The following CCDC7 variants were observed in gnomAD, a reference collection of about 807,000 sequenced individuals.
The protein encoded by CCDC7 is coiled-coil domain-containing protein 7.
Under a neutral mutation model 196.9 loss-of-function variants are expected in CCDC7, and 183 were observed. That is an observed-to-expected ratio of 0.93 (90% CI 0.82 to 1.05). The LOEUF is 1.05. Ranked by LOEUF, CCDC7 falls within the 50% of genes least tolerant of loss-of-function variation. The pLI is 0.00. For synonymous variants in CCDC7, 525 were observed against 484.6 expected (o/e 1.08, Z -1.10); for missense variants, 1,540 against 1,482.2 (o/e 1.04, Z -0.64).
At chr10:32,690,945 A>G (rs563277844) in intron 23 of CCDC7, among the ~76,000 whole-genome samples, 1 of 152,234 alleles carries the variant, frequency 6.6e-6, no homozygotes, top group Non-Finnish European at 1.5e-5. Flanking sequence ...GTGTCCTCAG[A>G]TGCAAAACCA....
chr10:32,649,949 A>G (rs1187916395), intron 20 of CCDC7, among the ~76,000 whole-genome samples: 1 of 152,054 alleles, frequency 6.6e-6, no homozygotes, highest in Non-Finnish European at 1.5e-5. Flanking sequence ...TTGATTTTCA[A>G]CTTTCTCTGT....
intron 41 of CCDC7, among the ~76,000 whole-genome samples, chr10:32,863,764 G>T (rs1266162791): frequency 6.6e-6 from 1 of 151,838 alleles, no homozygotes; most frequent in Non-Finnish European, 1.5e-5. Flanking sequence ...ATGGATAGGA[G>T]ACCTACATGT....
At chr10:32,798,732 G>A (rs35310850) in intron 29 of CCDC7, among the ~76,000 whole-genome samples, 21,003 of 152,212 alleles carry the variant, frequency 0.14, 1,751 homozygotes, top group East Asian at 0.25. Context: ...GCACAACCAG[G>A]TGCACTGCTC....
chr10:32,771,222 A>C lies in CCDC7; in HGVS notation c.2906-7755A>C, dbSNP rs537443946. Among the ~76,000 whole-genome samples, 14 of 152,218 alleles carry C rather than the reference A, an allele frequency of 9.2e-5. 1 individual carries two copies. In the South Asian group the frequency reaches 1.2e-3, roughly 14 times the overall value. ...TCAGTGCATATTGTGCTTTTGTTTC[A>C]AGGTTTAGAATTCCTTTAATATTTC... On this transcript the variant is annotated intron_variant, in intron 28 of 41. Coordinates refer to ENST00000639629, the Ensembl canonical transcript of CCDC7.
intron 25 of CCDC7, among the ~76,000 whole-genome samples, chr10:32,714,562 C>A (rs1209196861): frequency 2.6e-5 from 4 of 152,164 alleles, no homozygotes; most frequent in Non-Finnish European, 5.9e-5. Flanking sequence ...CCATTCGCTC[C>A]CCTGGAAAGG....
Position 32,848,739 on chromosome 10 carries a change from A to G in CCDC7, c.3895+21A>G, listed in dbSNP as rs770270086. 10 of 1,472,846 alleles carry G rather than the reference A, an allele frequency of 6.8e-6. No homozygotes were observed. In the East Asian group the frequency reaches 2.3e-4, roughly 34 times the overall value. The allele number at this position is 1,472,846 out of a possible 1,614,324, so 91.2% of individuals were successfully genotyped here. The stretch of plus-strand genomic sequence containing the variant: ...TAAAGGTAAAGAATTATGTATGTAG[A>G]TATGAATTCAGTATCTAATTACCTA... On this transcript the variant is annotated intron_variant, in intron 39 of 41. Coordinates refer to ENST00000639629, the Ensembl canonical transcript of CCDC7.
intron 20 of CCDC7, among the ~76,000 whole-genome samples, chr10:32,647,743 A>G (rs72782237): frequency 0.1 from 15,926 of 152,230 alleles, 1,036 homozygotes; most frequent in South Asian, 0.25. Context: ...TGTTGGAGAC[A>G]TAGTTCATGA....
chr10:32,744,149 GAA>G (rs879608097), intron 28 of CCDC7, among the ~76,000 whole-genome samples: 4 of 136,358 alleles, frequency 2.9e-5, no homozygotes, highest in African/African-American at 1.1e-4. Flanking sequence ...TAAAAAAAAA[GAA>G]AAAAAAAAGA....
At position 32,737,164 on chromosome 10, in the gene CCDC7, G is replaced by T. The variant is rs576141799; in HGVS notation, c.2905+7707G>T. Among the ~76,000 whole-genome samples, 9 of 152,200 alleles carry T rather than the reference G, an allele frequency of 5.9e-5. No individual in the cohort carries two copies. The South Asian group carries it at 1.9e-3, about 32-fold the overall frequency. On this transcript the variant is annotated intron_variant, in intron 28 of 41. Transcript: ENST00000639629. ...GTTGATGTGGTGGATTACATTAATT[G>T]ATTTTTGAATATTGCATGAATGTTG...
chr10:32,771,263 G>T (rs1392490864), intron 28 of CCDC7, among the ~76,000 whole-genome samples: 23 of 152,220 alleles, frequency 1.5e-4, no homozygotes, highest in Non-Finnish European at 1.5e-5. Context: ...GGGCTGATTT[G>T]GTAGTGACAA....
At chr10:32,816,272 G>A (rs1347853806) in intron 31 of CCDC7, among the ~76,000 whole-genome samples, 2 of 152,216 alleles carry the variant, frequency 1.3e-5, no homozygotes, top group East Asian at 3.9e-4. Flanking sequence ...ACTGCAAGGT[G>A]GCAGCGAGGC....
intron 31 of CCDC7, among the ~76,000 whole-genome samples, chr10:32,823,863 C>T (rs1308523040): frequency 6.6e-6 from 1 of 152,178 alleles, no homozygotes; most frequent in Non-Finnish European, 1.5e-5. Flanking sequence ...CCGTTTTCTT[C>T]TTCCCAGCTG....
At chr10:32,802,742 A>T (rs1199228782) in intron 29 of CCDC7, among the ~76,000 whole-genome samples, 1 of 152,188 alleles carries the variant, frequency 6.6e-6, no homozygotes, top group African/African-American at 2.4e-5. Context: ...CCCCTGGAAA[A>T]CTACTGGTGT....
intron 33 of CCDC7, among the ~76,000 whole-genome samples, chr10:32,843,212 T>C (rs531434492): frequency 6.6e-6 from 1 of 151,988 alleles, no homozygotes; most frequent in African/African-American, 2.4e-5. Flanking sequence ...ACACTAAAAA[T>C]ATGTACTTGC....
intron 21 of CCDC7, among the ~76,000 whole-genome samples, chr10:32,685,169 T>C (rs2076324294): frequency 6.6e-6 from 1 of 151,050 alleles, no homozygotes; most frequent in African/African-American, 2.4e-5. Context: ...TTAATCCTTC[T>C]TCCTTACCTA....
At chr10:32,684,783 A>T (rs997027248) in intron 21 of CCDC7, among the ~76,000 whole-genome samples, 1 of 152,190 alleles carries the variant, frequency 6.6e-6, no homozygotes, top group Non-Finnish European at 1.5e-5. Flanking sequence ...AAACAAACCT[A>T]CTGAAAATAT....
intron 20 of CCDC7, among the ~76,000 whole-genome samples, chr10:32,637,442 C>A (rs376267932): frequency 3.9e-5 from 6 of 152,138 alleles, no homozygotes; most frequent in African/African-American, 7.2e-5. Context: ...TCAGCTTTCT[C>A]CATATGGCTA....
chr10:32,850,430 T>C (rs1328244919), intron 39 of CCDC7, among the ~76,000 whole-genome samples: 1 of 152,126 alleles, frequency 6.6e-6, no homozygotes, highest in Non-Finnish European at 1.5e-5. Flanking sequence ...GTATGAGCAG[T>C]TTTGAAGTCT....
At chr10:32,731,618 A>C (rs1044933868) in intron 28 of CCDC7, among the ~76,000 whole-genome samples, 5 of 152,220 alleles carry the variant, frequency 3.3e-5, no homozygotes, top group African/African-American at 1.2e-4. Flanking sequence ...GTATGTATGA[A>C]GTAATAAGAG....
Sources: allele counts gnomAD v4.1 joint callset (sites outside exome capture counted in the v4.1 genomes callset), GRCh38; gene constraint gnomAD v4.1.1; transcripts MANE v1.5; gene names NCBI Gene and HGNC (gene_info 2026-07-23, HGNC 2026-07-21).